Variants in NR1H4 observed in about 807,000 individuals in gnomAD.
The protein encoded by NR1H4 is bile acid receptor.
NR1H4 carries 23 observed loss-of-function variants against 58.5 expected under a neutral mutation model. That is an observed-to-expected ratio of 0.39 (90% CI 0.28 to 0.56). NR1H4 has a LOEUF of 0.56. Ranked by LOEUF, NR1H4 falls within the 20% of genes least tolerant of loss-of-function variation. The pLI is 0.58. For synonymous variants in NR1H4, 214 were observed against 198.0 expected (o/e 1.08, Z -0.68); for missense variants, 487 against 576.9 (o/e 0.84, Z 1.60).
intron 3 of NR1H4, among the ~76,000 whole-genome samples, chr12:100,507,765 T>C (rs927915217): frequency 2.0e-5 from 3 of 152,294 alleles, no homozygotes; most frequent in Non-Finnish European, 2.9e-5. Flanking sequence ...ACCTGGCCTA[T>C]GCTGTTTTTA....
At chr12:100,520,448 C>T (rs1231497951) in intron 4 of NR1H4, among the ~76,000 whole-genome samples, 3 of 152,018 alleles carry the variant, frequency 2.0e-5, no homozygotes, top group Non-Finnish European at 4.4e-5. Flanking sequence ...AGAACTGGCC[C>T]GCCGGTTGCT....
intron 3 of NR1H4, among the ~76,000 whole-genome samples, chr12:100,500,512 G>A (rs543485424): frequency 4.6e-5 from 7 of 152,302 alleles, no homozygotes; most frequent in African/African-American, 1.7e-4. Flanking sequence ...TGGTGTGACT[G>A]AGGAACTGAC....
intron 3 of NR1H4, among the ~76,000 whole-genome samples, chr12:100,499,020 T>A (rs1016101654): frequency 6.6e-6 from 1 of 152,202 alleles, no homozygotes; most frequent in Non-Finnish European, 1.5e-5. Context: ...AGCCTTGAAC[T>A]ACTGGGCCCA....
intron 3 of NR1H4, among the ~76,000 whole-genome samples, chr12:100,498,041 C>T (rs920334489): frequency 1.8e-4 from 27 of 152,072 alleles, no homozygotes; most frequent in Admixed American, 5.9e-4. Flanking sequence ...AATAAAATAG[C>T]GGGAAATGAA....
intron 3 of NR1H4, chr12:100,505,590 C>G (rs1170279673): frequency 1.4e-6 from 1 of 701,770 alleles, no homozygotes; most frequent in South Asian, 1.5e-5. Context: ...CTCAGACTCC[C>G]CTGGAGTCCA....
At chr12:100,517,981 G>A (rs1954309672) in intron 4 of NR1H4, among the ~76,000 whole-genome samples, 1 of 152,158 alleles carries the variant, frequency 6.6e-6, no homozygotes, top group Non-Finnish European at 1.5e-5. Context: ...GTTTGCTCAA[G>A]GGTAATATTG....
chr12:100,478,542 A>G (rs1206927676), intron 1 of NR1H4, among the ~76,000 whole-genome samples: 1 of 152,212 alleles, frequency 6.6e-6, no homozygotes, highest in Non-Finnish European at 1.5e-5. Flanking sequence ...TAAGTCTAAA[A>G]TATTTTTTGA....
At chr12:100,557,393 C>T (rs1488293145) in intron 9 of NR1H4, among the ~76,000 whole-genome samples, 1 of 152,170 alleles carries the variant, frequency 6.6e-6, no homozygotes, top group Non-Finnish European at 1.5e-5. Flanking sequence ...GAGGGGTCTA[C>T]CCCAATGACC....
intron 3 of NR1H4, among the ~76,000 whole-genome samples, chr12:100,502,845 A>G (rs1398653233): frequency 6.6e-6 from 1 of 152,122 alleles, no homozygotes; most frequent in African/African-American, 2.4e-5. Context: ...AAAAGGGGAA[A>G]CCCCTTATAA....
intron 6 of NR1H4, among the ~76,000 whole-genome samples, chr12:100,535,309 A>G (rs529318122): frequency 6.6e-6 from 1 of 152,362 alleles, no homozygotes; most frequent in East Asian, 1.9e-4. Flanking sequence ...ATTTTTTCCA[A>G]CTGAGTATTG....
chr12:100,551,025 A>G (rs1003265598), intron 9 of NR1H4, among the ~76,000 whole-genome samples: 1 of 152,168 alleles, frequency 6.6e-6, no homozygotes, highest in African/African-American at 2.4e-5. Context: ...GAGTGCGAGG[A>G]AATTAAGGTG....
intron 4 of NR1H4, among the ~76,000 whole-genome samples, chr12:100,528,420 C>T (rs767716982): frequency 5.3e-5 from 8 of 151,856 alleles, no homozygotes; most frequent in Non-Finnish European, 8.8e-5. Context: ...TCTGCAGAAT[C>T]GAGGAATCCA....
At chr12:100,558,557 C>A (rs1449499372) in intron 9 of NR1H4, among the ~76,000 whole-genome samples, 3 of 152,108 alleles carry the variant, frequency 2.0e-5, no homozygotes, top group Non-Finnish European at 2.9e-5. Flanking sequence ...TGGGGTTTTG[C>A]CATGTTGCCC....
chr12:100,542,948 T>G (rs1347923451), intron 9 of NR1H4, among the ~76,000 whole-genome samples: 2 of 152,140 alleles, frequency 1.3e-5, no homozygotes, highest in Non-Finnish European at 2.9e-5. Flanking sequence ...AAGCATGTTC[T>G]TTCCCCTAAG....
chr12:100,558,349 CAAAAAAAAAAAAAAAA>C (rs10617220), intron 9 of NR1H4, among the ~76,000 whole-genome samples: 4 of 79,968 alleles, frequency 5.0e-5, no homozygotes, highest in Non-Finnish European at 9.3e-5. Flanking sequence ...GATTCCATCT[CAAAAAAAAAAAAAAAA>C]AAAAAAAAAA....
At chr12:100,554,559 T>C (rs1955281240) in intron 9 of NR1H4, among the ~76,000 whole-genome samples, 1 of 152,208 alleles carries the variant, frequency 6.6e-6, no homozygotes, top group African/African-American at 2.4e-5. Flanking sequence ...TTCTGATCAT[T>C]GAACATAATT....
In NR1H4 at chr12:100,493,338, G is replaced by C; in HGVS notation, c.15G>C (p.Met5Ile). 6.4e-7 allele frequency: 1 copy of C among 1,567,148 alleles called. No individual in the cohort carries two copies. Among genetic ancestry groups the C allele is most frequent in the East Asian group, 2.3e-5 (1 of 44,376 alleles). Residue 5 changes from methionine to isoleucine, a missense_variant, in exon 3 of 11, where the codon ATG (methionine) becomes ATC (isoleucine). Transcript: ENST00000392986. ...GAAAAATTTGGATGGGATCAAAAAT[G>C]AATCTCATTGAACATTCCCATTTAC... is the stretch of plus-strand genomic sequence containing the variant. Reference protein sequence around the residue: MGSKMNLIEHSHLPT... With the variant: MGSKINLIEHSHLPT...
In NR1H4 at chr12:100,549,975, C is replaced by T. The variant is rs1025391357; in HGVS notation, c.1078+9157C>T. Among the ~76,000 whole-genome samples the T allele has an allele frequency of 2.0e-5, 3 of 152,136 alleles. 1 individual carries two copies. Among genetic ancestry groups the T allele is most frequent in the Admixed American group, 6.5e-5 (1 of 15,274 alleles). On this transcript the variant is annotated intron_variant, in intron 9 of 10. Coordinates refer to ENST00000392986, the MANE Select transcript of NR1H4 (RefSeq NM_001206979.2). ...TATTATACATTTAATTCCAGAGTAACATAATGCTCAAAGTTACTCTGTTTA... is the reference window on the plus strand; with the variant it reads ...TATTATACATTTAATTCCAGAGTAATATAATGCTCAAAGTTACTCTGTTTA...
chr12:100,560,009 G>A (rs1955429424), intron 9 of NR1H4, among the ~76,000 whole-genome samples: 1 of 151,346 alleles, frequency 6.6e-6, no homozygotes, highest in South Asian at 2.1e-4. Flanking sequence ...CTCAGGGATT[G>A]TAAATACACC....
Sources: gnomAD v4.1 joint callset for allele counts (sites outside exome capture counted in the v4.1 genomes callset) on GRCh38, gnomAD v4.1.1 for gene constraint, MANE v1.5 for transcripts, NCBI Gene and HGNC (gene_info 2026-07-23, HGNC 2026-07-21) for gene names.